Variants in DCTN1 observed in about 807,000 individuals in gnomAD.
DCTN1 encodes the protein dynactin subunit 1, also known as 150 kDa dynein-associated polypeptide.
A neutral mutation model predicts 161.2 loss-of-function variants in DCTN1; 61 were observed. The ratio of observed to expected loss-of-function variants is 0.38; its 90% CI spans 0.31 to 0.47. The LOEUF is 0.47. Ranked by LOEUF, DCTN1 falls within the 20% of genes least tolerant of loss-of-function variation. The pLI is 0.99. For missense variants in DCTN1, 1,404 were observed against 1,623.7 expected (o/e 0.86, Z 2.33); for synonymous variants, 653 against 632.4 (o/e 1.03, Z -0.49).
intron 6 of DCTN1, chr2:74,374,092 G>A: frequency 3.4e-6 from 2 of 592,242 alleles, no homozygotes; most frequent in South Asian, 3.2e-5. Context: ...AGGCCACTGG[G>A]TGTTAAGGCC....
intron 30 of DCTN1, 42 bp from the exon 31 acceptor site, chr2:74,362,183 C>A (rs776618927): frequency 1.4e-5 from 22 of 1,585,168 alleles, no homozygotes; most frequent in Admixed American, 1.7e-5. Flanking sequence ...TTTATGGGAC[C>A]CCCACAGGCT....
intron 1 of DCTN1, among the ~76,000 whole-genome samples, chr2:74,389,389 T>C (rs965767346): frequency 1.2e-4 from 19 of 152,166 alleles, no homozygotes; most frequent in African/African-American, 4.6e-4. Flanking sequence ...GTGCCCCCAG[T>C]ATCACCTAGT....
chr2:74,366,179 G>C (rs1328484097), intron 23 of DCTN1, 65 bp downstream of exon 23: 1 of 1,612,540 alleles, frequency 6.2e-7, no homozygotes, highest in African/African-American at 1.3e-5. Flanking sequence ...CCCACAACTA[G>C]CAGTAGCTCT....
In DCTN1 at chr2:74,367,730, A is replaced by C; in HGVS notation, c.2150T>G (p.Val717Gly). 1 of 1,614,186 alleles carries C rather than the reference A, an allele frequency of 6.2e-7. No individual in the cohort carries two copies. ...HKDQLDETVN[V>G]EPLTKAIKYY... Reference sequence around the variant, plus strand: ...CTTGATGGCCTTGGTGAGAGGCTCCACATTGACAGTCTCATCCAGCTGATC... The same window carrying C: ...CTTGATGGCCTTGGTGAGAGGCTCCCCATTGACAGTCTCATCCAGCTGATC... Residue 717 changes from valine to glycine, a missense_variant, in exon 18 of 32, where the codon GTG becomes GGG. Physicochemically the swap from Val to Gly is moderately radical, Grantham distance 109. Transcript: ENST00000628224.
At position 74,369,221 on chromosome 2, in the gene DCTN1, GGA is replaced by G. The variant is rs777190760; in HGVS notation, c.1585-9_1585-8del. 11 of 1,614,084 alleles carry G rather than the reference GGA, an allele frequency of 6.8e-6. No homozygotes were observed. The highest frequency in any genetic ancestry group is 3.3e-5 in the Admixed American group (2 of 60,014). On this transcript the variant is annotated splice_polypyrimidine_tract_variant and splice_region_variant and intron_variant, in intron 14 of 31. Transcript: ENST00000628224. This position sits in a 1 kb window ranked among gnomAD's most constrained non-coding sequence, Gnocchi z 4.9. The stretch of plus-strand genomic sequence containing the variant: ...TCAGTTCCCGATTCACATCCTAGGA[GGA>G]GAGACAGTGAAGCACAGCTGGGTCA...
intron 2 of DCTN1, 32 bp downstream of exon 2, chr2:74,377,968 C>A (rs1249535308): frequency 6.2e-7 from 1 of 1,612,118 alleles, no homozygotes; most frequent in African/African-American, 1.3e-5. Flanking sequence ...CATGTGCACA[C>A]ATGCACAGAC....
At chr2:74,391,803 G>A (rs770166791) in exon 1 of DCTN1, 11 of 453,924 alleles carry the variant, frequency 2.4e-5, no homozygotes, top group Non-Finnish European at 4.4e-5. Flanking sequence ...CCTGCACTGT[G>A]AGGGGCTCCG....
rs759987724 is a variant in DCTN1, at chr2:74,365,696, C to T, written c.2887-39G>A. ...GAACTTCTAGATCCCTGACATCCTCCCCACAGTCCCTGGAAACTGGGGGCT... is the reference window on the plus strand; with the variant it reads ...GAACTTCTAGATCCCTGACATCCTCTCCACAGTCCCTGGAAACTGGGGGCT... On this transcript the variant is annotated intron_variant, in intron 24 of 31. Transcript: ENST00000628224. 3.7e-6 allele frequency: 6 copies of T among 1,613,856 alleles called. No individual in the cohort carries two copies. The Admixed American group carries it at 1.0e-4, about 27-fold the overall frequency.
chr2:74,365,238 C>T lies in DCTN1; in HGVS notation c.3033G>A (p.Glu1011=), dbSNP rs1413603103. ...GGAGTGCATCCATTGTCTCCTCAAA[C>T]TCTCTGTGAAAGAGAATCTGGGCTT... ...TQALLRKKEK[E]FEETMDALQA... Residue 1011 remains glutamate, a synonymous_variant, in exon 26 of 32, where the codon GAG becomes GAA. Transcript: ENST00000628224. 6.8e-6 allele frequency: 11 copies of T among 1,614,194 alleles called. No homozygotes were observed. Among genetic ancestry groups the T allele is most frequent in the Non-Finnish European group, 9.3e-6 (11 of 1,180,048 alleles).
At chr2:74,373,312 A>C (rs1675007176) in intron 6 of DCTN1, 2 of 351,056 alleles carry the variant, frequency 5.7e-6, no homozygotes, top group South Asian at 2.6e-5. Flanking sequence ...GATCTCTCCA[A>C]CTCCAGTCCA....
At chr2:74,368,155 C>G in intron 16 of DCTN1, 24 bp from the exon 17 acceptor site, 1 of 1,566,146 alleles carries the variant, frequency 6.4e-7, no homozygotes, top group Middle Eastern at 1.8e-4. Context: ...CACCAGGAAC[C>G]TGGGCCTCAG....
At position 74,362,739 on chromosome 2, in the gene DCTN1, G is replaced by A. The variant is rs1348167643; in HGVS notation, c.3530-10C>T. 3 of 1,613,668 alleles carry A rather than the reference G, an allele frequency of 1.9e-6. No homozygotes were observed. The highest frequency in any genetic ancestry group is 2.5e-6 in the Non-Finnish European group (3 of 1,179,860). ...GACGGGCTCTTGGCAGCTGTGGGGA[G>A]AGAAAGCTGGTGAGGCCCACCAAGG... On this transcript the variant is annotated splice_polypyrimidine_tract_variant and intron_variant, in intron 29 of 31. Coordinates refer to ENST00000628224, the MANE Select transcript of DCTN1 (RefSeq NM_004082.5).
rs1202768022 is a variant in DCTN1 at position 74,366,016 on chromosome 2, A to G, written c.2763T>C (p.Pro921=). 1.2e-6 allele frequency: 2 copies of G among 1,614,200 alleles called. No individual in the cohort carries two copies. Among genetic ancestry groups the G allele is most frequent in the Admixed American group, 1.7e-5 (1 of 60,022 alleles). ...CAGCAGCCCGCAGTTCAACCGGTGG[A>G]GGCTAAGGAATGGTCGGTAGGGGGT... ...EYDAERPPSK[P]PPVELRAAAL... Residue 921 remains proline (P), a splice_region_variant and synonymous_variant, in exon 24 of 32, where the codon CCT becomes CCC. Transcript: ENST00000628224.
intron 30 of DCTN1, 51 bp from the exon 31 acceptor site, chr2:74,362,192 C>A: frequency 6.4e-7 from 1 of 1,558,392 alleles, no homozygotes; most frequent in Non-Finnish European, 8.8e-7. Flanking sequence ...CCCCCACAGG[C>A]TAGCACAAGA....
intron 4 of DCTN1, 66 bp downstream of exon 4, chr2:74,377,366 G>C: frequency 7.1e-7 from 1 of 1,400,320 alleles, no homozygotes; most frequent in Non-Finnish European, 1.0e-6. Context: ...CCTAGCACTG[G>C]GTATCCCTCC....
At position 74,361,322 on chromosome 2, in the gene DCTN1, G is replaced by C. The variant is rs770516270; in HGVS notation, c.*177C>G. 10 of 878,592 alleles carry C rather than the reference G, an allele frequency of 1.1e-5. No homozygotes were observed. In the Admixed American group the frequency reaches 2.0e-4, roughly 18 times the overall value. The allele number at this position is 878,592 out of a possible 1,614,324, so 54.4% of individuals were successfully genotyped here. ...ATGGCAGAGGCCAGGGAATGGGAGTGGGGGAACCCGGGTCAAGGTGAAGGG... is the reference window on the plus strand; with the variant it reads ...ATGGCAGAGGCCAGGGAATGGGAGTCGGGGAACCCGGGTCAAGGTGAAGGG... On this transcript the variant is annotated 3_prime_UTR_variant, in exon 32 of 32. Transcript: ENST00000628224.
Position 74,367,375 on chromosome 2 carries a change from T to A in DCTN1, c.2230A>T (p.Met744Leu). The A allele has an allele frequency of 6.2e-7, 1 of 1,614,114 alleles. No homozygotes were observed. Among genetic ancestry groups the A allele is most frequent in the Non-Finnish European group, 8.5e-7 (1 of 1,180,022 alleles). ...HLAEQPEDCT[M>L]QLADHIKFTQ... ...ACCTTAATGTGGTCAGCCAGCTGCA[T>A]AGTACAGTCCTCAGGCTGTTCGGCA... Residue 744 changes from methionine to leucine, a missense_variant, in exon 19 of 32, where the codon ATG becomes TTG. This residue lies in a region of DCTN1 where 475 missense variants were observed against 489.8 expected (regional missense o/e 0.97). Coordinates refer to ENST00000628224, the MANE Select transcript of DCTN1 (RefSeq NM_004082.5).
At chr2:74,367,248 C>G in intron 19 of DCTN1, 104 bp downstream of exon 19, 2 of 1,537,266 alleles carry the variant, frequency 1.3e-6, no homozygotes, top group South Asian at 2.3e-5. Context: ...TTTGGTAACT[C>G]TGCCCTAGTC....
rs538932463 is a variant in DCTN1 at position 74,361,540 on chromosome 2, G to T, written c.3796C>A (p.Gln1266Lys). The T allele has an allele frequency of 1.1e-5, 17 of 1,614,146 alleles. No homozygotes were observed. The South Asian group carries it at 1.8e-4, about 17-fold the overall frequency. ...CTGTGAAGCTGGTGCAGCTGCTCCT[G>T]GGTCAGCACCAGCCGGTGTCGCTGT... The part of the protein sequence containing the change: ...FGQRHRLVLT[Q>K]EQLHQLHSRL... The change falls in exon 32 of 32, where the codon CAG becomes AAG. Residue 1266 changes from glutamine (Q) to lysine (K), a missense_variant. Transcript: ENST00000628224.
Sources: allele counts gnomAD v4.1 joint callset (sites outside exome capture counted in the v4.1 genomes callset), GRCh38; gene constraint gnomAD v4.1.1; regional missense constraint gnomAD v4.1.1; non-coding constraint Gnocchi (gnomAD v3.1); transcripts MANE v1.5; gene names NCBI Gene and HGNC (gene_info 2026-07-23, HGNC 2026-07-21).